ZC2HC1B: variants seen among roughly 807,000 people sequenced by gnomAD.
ZC2HC1B encodes zinc finger C2HC domain-containing protein 1B.
In ZC2HC1B, 36 loss-of-function variants were observed where a neutral mutation model predicts 31.0. That is an observed-to-expected ratio of 1.16 (90% CI 0.89 to 1.54). The LOEUF is 1.54. Ranked by LOEUF, ZC2HC1B falls within the 40% of genes most tolerant of loss-of-function variation. The pLI is 0.00. For missense variants in ZC2HC1B, 260 were observed against 268.6 expected (o/e 0.97, Z 0.22); for synonymous variants, 73 against 88.0 (o/e 0.83, Z 0.95).
At chr6:143,897,379 A>G (rs913848094) in intron 4 of ZC2HC1B, among the ~76,000 whole-genome samples, 1 of 151,290 alleles carries the variant, frequency 6.6e-6, no homozygotes, top group African/African-American at 2.4e-5. Flanking sequence ...TTAGAGGGGT[A>G]GTTGCCAACC....
chr6:143,874,324 A>G (rs1477021584), intron 1 of ZC2HC1B, among the ~76,000 whole-genome samples: 1 of 152,166 alleles, frequency 6.6e-6, no homozygotes, highest in African/African-American at 2.4e-5. Context: ...GGAGGTTCCA[A>G]GCTTTCCCAC....
chr6:143,919,217 C>CTCTG (rs1176724266), intron 6 of ZC2HC1B, among the ~76,000 whole-genome samples: 2,512 of 123,698 alleles, frequency 0.02, 73 homozygotes, highest in African/African-American at 0.056. Flanking sequence ...TTGCTATTCT[C>CTCTG]TGTGTGTGTG....
At position 143,915,552 on chromosome 6, in the gene ZC2HC1B, G is replaced by T. The variant is rs984903457; in HGVS notation, c.598+12400G>T. ...AGGCCTCAGAAAAAGGCAGGAAAAT[G>T]TGAGAAAGTTTGGAACTTCCTAGAG... On this transcript the variant is annotated intron_variant, in intron 6 of 7. Coordinates refer to ENST00000237275, the MANE Select transcript of ZC2HC1B (RefSeq NM_001013623.3). This position sits in a 1 kb window ranked among gnomAD's most constrained non-coding sequence, Gnocchi z 5.2. Among the ~76,000 whole-genome samples, 3 of 152,226 alleles carry T rather than the reference G, an allele frequency of 2.0e-5. No homozygotes were observed. Among genetic ancestry groups the T allele is most frequent in the Non-Finnish European group, 4.4e-5 (3 of 68,042 alleles).
intron 6 of ZC2HC1B, among the ~76,000 whole-genome samples, chr6:143,931,834 A>G (rs1778123564): frequency 6.8e-6 from 1 of 147,646 alleles, no homozygotes; most frequent in Non-Finnish European, 1.5e-5. Context: ...ATGAATTTCC[A>G]AGGTGTTCTT....
intron 6 of ZC2HC1B, among the ~76,000 whole-genome samples, chr6:143,916,367 A>G (rs1401833885): frequency 6.6e-6 from 1 of 152,230 alleles, no homozygotes; most frequent in African/African-American, 2.4e-5. Context: ...TGGGGCCCTC[A>G]TGGAGAACCT....
chr6:143,931,018 G>C (rs1001386671), intron 6 of ZC2HC1B, among the ~76,000 whole-genome samples: 3 of 152,082 alleles, frequency 2.0e-5, no homozygotes, highest in African/African-American at 7.2e-5. Flanking sequence ...TAGGATTGTG[G>C]TATTTTCCAT....
rs1172177958 is a variant in ZC2HC1B at position 143,911,660 on chromosome 6, T to G, written c.598+8508T>G. Among the ~76,000 whole-genome samples the G allele has an allele frequency of 3.3e-5, 5 of 152,228 alleles. No homozygotes were observed. The highest frequency in any genetic ancestry group is 3.3e-4 in the Admixed American group (5 of 15,278). On this transcript the variant is annotated intron_variant, in intron 6 of 7. Transcript: ENST00000237275. This position sits in a 1 kb window ranked among gnomAD's most constrained non-coding sequence, Gnocchi z 4.5. ...CTACTGTTAGTCTGATGGCTTGCCTTTGTAGGTGACCTGGCCTTTCTCTCT... is the reference window on the plus strand; with the variant it reads ...CTACTGTTAGTCTGATGGCTTGCCTGTGTAGGTGACCTGGCCTTTCTCTCT...
rs113116621 is a variant in ZC2HC1B at position 143,872,446 on chromosome 6, C to T, written c.28+7879C>T. On this transcript the variant is annotated intron_variant, in intron 1 of 7. Coordinates refer to ENST00000237275, the MANE Select transcript of ZC2HC1B (RefSeq NM_001013623.3). The surrounding 1 kb of genome is among the most constrained non-coding windows in gnomAD (Gnocchi z 5.5). ...GCCACTTTGCCTCTGCAGTCCATTA[C>T]AGTAGCTACATCCACCTTGCCTTTG... Among the ~76,000 whole-genome samples, 247 of 152,370 alleles carry T rather than the reference C, an allele frequency of 1.6e-3. No homozygotes were observed. Among genetic ancestry groups the T allele is most frequent in the African/African-American group, 5.8e-3 (243 of 41,598 alleles).
At chr6:143,910,470 A>T (rs1777843963) in intron 6 of ZC2HC1B, among the ~76,000 whole-genome samples, 1 of 152,180 alleles carries the variant, frequency 6.6e-6, no homozygotes, top group Non-Finnish European at 1.5e-5. Flanking sequence ...TTCTTTAGAT[A>T]TCTATCAGGC....
intron 4 of ZC2HC1B, among the ~76,000 whole-genome samples, chr6:143,890,675 ATCTT>A (rs900642732): frequency 1.1e-4 from 16 of 152,222 alleles, no homozygotes; most frequent in African/African-American, 3.6e-4. Context: ...ATGTAAAACT[ATCTT>A]TATTCACAGA....
chr6:143,904,529 T>A (rs781365814), intron 6 of ZC2HC1B, among the ~76,000 whole-genome samples: 3 of 152,152 alleles, frequency 2.0e-5, no homozygotes, highest in Non-Finnish European at 4.4e-5. Flanking sequence ...GCCCAGATAA[T>A]TTTTAAATTT....
intron 1 of ZC2HC1B, among the ~76,000 whole-genome samples, chr6:143,867,839 C>G (rs1267426594): frequency 2.6e-5 from 4 of 152,218 alleles, no homozygotes. Flanking sequence ...GCCCAGCTAT[C>G]ATACTGGGAA....
Position 143,885,292 on chromosome 6 carries a change from CTG to C in ZC2HC1B, c.91-738_91-737del, listed in dbSNP as rs1407644578. ...AGAGCTTGCGGGGCTGGTTGTGGCC[CTG>C]TAGTCCACCAGTGTGTGTCACTGCC... is the stretch of plus-strand genomic sequence containing the variant. On this transcript the variant is annotated intron_variant, in intron 2 of 7. Transcript: ENST00000237275. The surrounding 1 kb of genome is among the most constrained non-coding windows in gnomAD (Gnocchi z 4.2). Among the ~76,000 whole-genome samples, 2 of 152,172 alleles carry C rather than the reference CTG, an allele frequency of 1.3e-5. No homozygotes were observed. The highest frequency in any genetic ancestry group is 2.9e-5 in the Non-Finnish European group (2 of 68,040).
At position 143,871,371 on chromosome 6, in the gene ZC2HC1B, G is replaced by A. The variant is rs1490517789; in HGVS notation, c.28+6804G>A. On this transcript the variant is annotated intron_variant, in intron 1 of 7. Coordinates refer to ENST00000237275, the MANE Select transcript of ZC2HC1B (RefSeq NM_001013623.3). This position sits in a 1 kb window ranked among gnomAD's most constrained non-coding sequence, Gnocchi z 4.1. ...TATACCTCTGAGGTAGAACAGTAAA[G>A]GTATATTGCTGGCCTTGCCAGCTGA... Among the ~76,000 whole-genome samples, 2 of 152,210 alleles carry A rather than the reference G, an allele frequency of 1.3e-5. No individual in the cohort carries two copies. Among genetic ancestry groups the A allele is most frequent in the East Asian group, 1.9e-4 (1 of 5,198 alleles).
At chr6:143,888,724 T>G (rs1345347765) in intron 4 of ZC2HC1B, among the ~76,000 whole-genome samples, 2 of 152,058 alleles carry the variant, frequency 1.3e-5, no homozygotes, top group African/African-American at 4.8e-5. Flanking sequence ...AATGGATCTT[T>G]GTATGTTGAC....
intron 5 of ZC2HC1B, among the ~76,000 whole-genome samples, chr6:143,901,792 C>G (rs951765490): frequency 6.6e-6 from 1 of 152,070 alleles, no homozygotes; most frequent in Non-Finnish European, 1.5e-5. Context: ...CCAGTTGATA[C>G]GATTGGCATG....
In ZC2HC1B at chr6:143,918,543, CTT is replaced by C. The variant is rs1338227876; in HGVS notation, c.598+15393_598+15394del. 6.6e-6 allele frequency among the ~76,000 whole-genome samples: 1 copy of C among 151,952 alleles called. No individual in the cohort carries two copies. The highest frequency in any genetic ancestry group is 2.1e-4 in the South Asian group (1 of 4,820). Reference sequence around the variant, plus strand: ...TTATAATGTGTCTCAGTGTTGGTCTCTTTGAGTTTGTCTTACTTTTAGTTTTT... The same window carrying C: ...TTATAATGTGTCTCAGTGTTGGTCTCTGAGTTTGTCTTACTTTTAGTTTTT... On this transcript the variant is annotated intron_variant, in intron 6 of 7. Coordinates refer to ENST00000237275, the MANE Select transcript of ZC2HC1B (RefSeq NM_001013623.3). The surrounding 1 kb of genome is among the most constrained non-coding windows in gnomAD (Gnocchi z 4.1).
intron 1 of ZC2HC1B, among the ~76,000 whole-genome samples, chr6:143,866,953 A>G (rs1777270645): frequency 6.6e-6 from 1 of 152,236 alleles, no homozygotes; most frequent in East Asian, 1.9e-4. Flanking sequence ...TAGAAGTTGA[A>G]CATCTCTAAT....
chr6:143,884,782 A>C lies in ZC2HC1B; in HGVS notation c.90+417A>C, dbSNP rs1483851770. The stretch of plus-strand genomic sequence containing the variant: ...CTCAAATTTGTCACTAATCCTGACA[A>C]GTCCTTTAACCTTCCTGTTTTCTGC... On this transcript the variant is annotated intron_variant, in intron 2 of 7. Transcript: ENST00000237275. The surrounding 1 kb of genome is among the most constrained non-coding windows in gnomAD (Gnocchi z 5.1). Among the ~76,000 whole-genome samples, 1 of 152,190 alleles carries C rather than the reference A, an allele frequency of 6.6e-6. No individual in the cohort carries two copies. The highest frequency in any genetic ancestry group is 1.5e-5 in the Non-Finnish European group (1 of 68,030).
Sources: allele counts gnomAD v4.1 joint callset (sites outside exome capture counted in the v4.1 genomes callset), GRCh38; gene constraint gnomAD v4.1.1; non-coding constraint Gnocchi (gnomAD v3.1); transcripts MANE v1.5; gene names NCBI Gene and HGNC (gene_info 2026-07-23, HGNC 2026-07-21).